SDK1: variants seen among roughly 807,000 people sequenced by gnomAD.
SDK1 encodes the protein protein sidekick-1.
Under a neutral mutation model 245.5 loss-of-function variants are expected in SDK1, and 157 were observed. The observed-to-expected ratio is 0.64, with a 90% CI of 0.56 to 0.73. The LOEUF (loss-of-function observed/expected upper bound fraction) is 0.73. SDK1 is among the 30% of genes least tolerant of loss of function. SDK1 has a pLI of 0.00. For missense variants in SDK1, 3,583 were observed against 3,002.3 expected (o/e 1.19, Z -4.52); for synonymous variants, 1,647 against 1,278.5 (o/e 1.29, Z -6.15).
At chr7:4,220,899 C>T (rs1202889978) in intron 39 of SDK1, among the ~76,000 whole-genome samples, 6 of 136,654 alleles carry the variant, frequency 4.4e-5, no homozygotes, top group African/African-American at 1.3e-4. Context: ...CCCACCCCGC[C>T]TCACCCTCCT....
At chr7:3,957,085 G>A (rs1018010424) in intron 7 of SDK1, among the ~76,000 whole-genome samples, 4 of 152,174 alleles carry the variant, frequency 2.6e-5, no homozygotes, top group African/African-American at 9.7e-5. Context: ...AGTTGCAAAA[G>A]TTACACTCGA....
chr7:4,145,658 A>C (rs1779916301), intron 28 of SDK1, 64 bp from the exon 29 acceptor site: 3 of 1,449,368 alleles, frequency 2.1e-6, no homozygotes, highest in Non-Finnish European at 1.9e-6. Flanking sequence ...GGGTGTGGGC[A>C]CAGGGCTTCC....
intron 1 of SDK1, among the ~76,000 whole-genome samples, chr7:3,402,936 C>A (rs535424860): frequency 1.3e-5 from 2 of 150,380 alleles, no homozygotes; most frequent in South Asian, 2.1e-4. Context: ...CATTTCTATT[C>A]CTCTGTTTCT....
At chr7:3,467,382 A>G (rs1781041385) in intron 1 of SDK1, among the ~76,000 whole-genome samples, 1 of 152,102 alleles carries the variant, frequency 6.6e-6, no homozygotes, top group Non-Finnish European at 1.5e-5. Context: ...ATTGTTGCCC[A>G]CTGTACTTTT....
At chr7:4,242,279 C>T (rs964460693) in intron 43 of SDK1, among the ~76,000 whole-genome samples, 1 of 152,142 alleles carries the variant, frequency 6.6e-6, no homozygotes, top group African/African-American at 2.4e-5. Flanking sequence ...ACAGGCCCGA[C>T]CAGGTGTCCT....
intron 1 of SDK1, among the ~76,000 whole-genome samples, chr7:3,401,163 A>G (rs73296384): frequency 0.061 from 9,227 of 152,244 alleles, 786 homozygotes; most frequent in African/African-American, 0.19. Context: ...CGCTTCACTT[A>G]CTAAAATCCA....
chr7:3,562,169 T>C (rs373597795), intron 1 of SDK1, among the ~76,000 whole-genome samples: 3 of 152,312 alleles, frequency 2.0e-5, no homozygotes, highest in African/African-American at 7.2e-5. Context: ...CATAGCACCC[T>C]AGTGAAAAAT....
chr7:3,841,047 A>C (rs535180885), intron 5 of SDK1, among the ~76,000 whole-genome samples: 3 of 152,202 alleles, frequency 2.0e-5, no homozygotes, highest in African/African-American at 4.8e-5. Flanking sequence ...GAGCTCCCTC[A>C]TCACAGCCTC....
At chr7:4,068,533 C>A (rs766588357) in intron 20 of SDK1, among the ~76,000 whole-genome samples, 1 of 151,952 alleles carries the variant, frequency 6.6e-6, no homozygotes, top group Non-Finnish European at 1.5e-5. Flanking sequence ...TCTGTCCCCT[C>A]CCCACCCTGC....
At chr7:3,564,011 A>G (rs1779828479) in intron 1 of SDK1, among the ~76,000 whole-genome samples, 1 of 152,190 alleles carries the variant, frequency 6.6e-6, no homozygotes. Flanking sequence ...CAGTGAAAAC[A>G]TGACATTTCA....
rs1228529769 is a variant in SDK1, at chr7:3,582,423, G to C, written c.299-36657G>C. ...AGGTAGGTCTCCCTCAGGTAGGTCT[G>C]TCTCAGGTAGGTCTGTCTCAGGTAG... is the stretch of plus-strand genomic sequence containing the variant. On this transcript the variant is annotated intron_variant, in intron 1 of 44. Transcript: ENST00000404826. 2.4e-3 allele frequency among the ~76,000 whole-genome samples: 321 copies of C among 135,706 alleles called. 4 individuals are homozygous for C. Among genetic ancestry groups the C allele is most frequent in the African/African-American group, 7.1e-3 (255 of 35,938 alleles). 89.0% of individuals were successfully genotyped at this position (135,706 alleles called of 152,430 possible). A position where few individuals can be genotyped will look rare whatever the true frequency, so the allele number is the denominator to read the frequency against.
At chr7:3,670,618 TA>T (rs1562645034) in intron 4 of SDK1, among the ~76,000 whole-genome samples, 1 of 152,162 alleles carries the variant, frequency 6.6e-6, no homozygotes, top group East Asian at 1.9e-4. Flanking sequence ...AAGCCCCCAG[TA>T]AATGTTAGAT....
chr7:3,458,105 TCTTA>T (rs1438911920), intron 1 of SDK1, among the ~76,000 whole-genome samples: 1 of 152,144 alleles, frequency 6.6e-6, no homozygotes, highest in East Asian at 1.9e-4. Flanking sequence ...GTTGGAATAC[TCTTA>T]CTTGTCTTTT....
At chr7:3,920,928 G>A (rs1779563635) in intron 5 of SDK1, among the ~76,000 whole-genome samples, 1 of 152,130 alleles carries the variant, frequency 6.6e-6, no homozygotes, top group Admixed American at 6.5e-5. Context: ...GGCACTGAGG[G>A]GCACAAGTGA....
chr7:4,210,249 C>T, intron 38 of SDK1, 87 bp downstream of exon 38: 1 of 1,266,868 alleles, frequency 7.9e-7, no homozygotes, highest in Non-Finnish European at 1.0e-6. Flanking sequence ...CACCTGACCG[C>T]TTCTGTGGGC....
At chr7:3,449,206 C>T (rs1780438599) in intron 1 of SDK1, among the ~76,000 whole-genome samples, 2 of 152,164 alleles carry the variant, frequency 1.3e-5, no homozygotes, top group African/African-American at 4.8e-5. Flanking sequence ...AGGGGTGCCT[C>T]AAAGCTGCAC....
Position 4,268,935 on chromosome 7 carries a change from C to T in SDK1, c.*3551C>T, listed in dbSNP as rs1380342038. On this transcript the variant is annotated 3_prime_UTR_variant, in exon 45 of 45. Transcript: ENST00000404826. ...CTCATTAAAAGAAAAAAAGAAACAACTTGTAGGAAGACAGAGAGGTGCTAT... is the reference window on the plus strand; with the variant it reads ...CTCATTAAAAGAAAAAAAGAAACAATTTGTAGGAAGACAGAGAGGTGCTAT... 4 of 330,778 alleles carry T rather than the reference C, an allele frequency of 1.2e-5. No individual in the cohort carries two copies. The highest frequency in any genetic ancestry group is 8.6e-5 in the African/African-American group (4 of 46,376). The allele number at this position is 330,778 out of a possible 1,614,324, so 20.5% of individuals were successfully genotyped here.
chr7:3,325,187 C>A (rs958679375), intron 1 of SDK1, among the ~76,000 whole-genome samples: 1 of 151,934 alleles, frequency 6.6e-6, no homozygotes, highest in Non-Finnish European at 1.5e-5. Flanking sequence ...GATTTGAGAT[C>A]TTACAACCAT....
chr7:3,402,030 A>T (rs1778901749), intron 1 of SDK1, among the ~76,000 whole-genome samples: 1 of 152,190 alleles, frequency 6.6e-6, no homozygotes, highest in Non-Finnish European at 1.5e-5. Flanking sequence ...GAGATATAAA[A>T]GAAGCACAAA....
Sources: allele counts gnomAD v4.1 joint callset (sites outside exome capture counted in the v4.1 genomes callset), GRCh38; gene constraint gnomAD v4.1.1; transcripts MANE v1.5; gene names NCBI Gene and HGNC (gene_info 2026-07-23, HGNC 2026-07-21).